The following ZNF385B variants were observed in gnomAD, a reference collection of about 807,000 sequenced individuals.
The protein encoded by ZNF385B is zinc finger protein 533.
A neutral mutation model predicts 39.2 loss-of-function variants in ZNF385B; 23 were observed. That is an observed-to-expected ratio of 0.59 (90% CI 0.42 to 0.83). The LOEUF is 0.83. ZNF385B is among the 40% of genes least tolerant of loss of function. The pLI is 0.00. For synonymous variants in ZNF385B, 205 were observed against 222.6 expected, an observed-to-expected ratio of 0.92 and a Z score of 0.70; for missense variants, 552 against 598.9, an observed-to-expected ratio of 0.92 and a Z score of 0.82.
At chr2:179,719,195 GACATCCAGGGTAA>G (rs1468944984) in intron 3 of ZNF385B, among the ~76,000 whole-genome samples, 1 of 152,054 alleles carries the variant, frequency 6.6e-6, no homozygotes, top group East Asian at 1.9e-4. Flanking sequence ...GGTTTCAAAG[GACATCCAGGGTAA>G]ACATCCATTG....
intron 3 of ZNF385B, among the ~76,000 whole-genome samples, chr2:179,650,643 G>A (rs549803673): frequency 6.6e-6 from 1 of 152,332 alleles, no homozygotes; most frequent in East Asian, 1.9e-4. Context: ...GCCTTTGGCA[G>A]TCATTTGGTT....
At chr2:179,714,804 A>T (rs1038304494) in intron 3 of ZNF385B, among the ~76,000 whole-genome samples, 3 of 151,818 alleles carry the variant, frequency 2.0e-5, no homozygotes, top group African/African-American at 7.3e-5. Context: ...AAAAAAAATT[A>T]GCCAGATGTG....
At chr2:179,757,705 C>G (rs1703129566) in intron 3 of ZNF385B, among the ~76,000 whole-genome samples, 2 of 152,204 alleles carry the variant, frequency 1.3e-5, no homozygotes, top group Admixed American at 6.5e-5. Context: ...GCAGTTTGAT[C>G]TCAGACTGCT....
intron 5 of ZNF385B, among the ~76,000 whole-genome samples, chr2:179,517,086 G>C (rs897103156): frequency 4.0e-5 from 6 of 151,786 alleles, no homozygotes. Flanking sequence ...ACTCTGTTCT[G>C]TTCCATTGAT....
chr2:179,797,422 A>G (rs1265053684), intron 1 of ZNF385B, among the ~76,000 whole-genome samples: 1 of 152,216 alleles, frequency 6.6e-6, no homozygotes, highest in Non-Finnish European at 1.5e-5. Flanking sequence ...AAAATTAATA[A>G]CAATTCCTTC....
At chr2:179,473,942 C>T (rs911075076) in intron 6 of ZNF385B, among the ~76,000 whole-genome samples, 3 of 152,112 alleles carry the variant, frequency 2.0e-5, no homozygotes, top group East Asian at 3.9e-4. Flanking sequence ...GCTCCATGAG[C>T]ATGACTTAGT....
chr2:179,720,925 G>GTTTTT (rs56131510), intron 3 of ZNF385B, among the ~76,000 whole-genome samples: 12 of 70,134 alleles, frequency 1.7e-4, no homozygotes, highest in East Asian at 5.1e-4. Context: ...ATGCCTGGCT[G>GTTTTT]TTTTTTTTTT....
intron 1 of ZNF385B, among the ~76,000 whole-genome samples, chr2:179,834,922 G>A (rs1178308955): frequency 2.0e-5 from 3 of 152,144 alleles, no homozygotes; most frequent in Admixed American, 6.5e-5. Context: ...CTTCAGACAC[G>A]TCAAAATTGA....
intron 6 of ZNF385B, among the ~76,000 whole-genome samples, chr2:179,469,226 C>T (rs1258742467): frequency 2.6e-5 from 4 of 152,280 alleles, no homozygotes; most frequent in African/African-American, 9.6e-5. Flanking sequence ...CTGGGCCACA[C>T]TGGAAGAAGA....
intron 1 of ZNF385B, among the ~76,000 whole-genome samples, chr2:179,781,021 T>C (rs867994397): frequency 2.6e-5 from 4 of 152,210 alleles, no homozygotes; most frequent in Non-Finnish European, 5.9e-5. Context: ...CACCCTATGC[T>C]CAAAATTACT....
chr2:179,835,170 A>C (rs2106604828), intron 1 of ZNF385B, among the ~76,000 whole-genome samples: 1 of 152,340 alleles, frequency 6.6e-6, no homozygotes, highest in South Asian at 2.1e-4. Flanking sequence ...TGAAGTATTT[A>C]AGGGTGAAAT....
At chr2:179,643,967 G>T (rs113030037) in intron 3 of ZNF385B, among the ~76,000 whole-genome samples, 2 of 151,798 alleles carry the variant, frequency 1.3e-5, no homozygotes, top group Non-Finnish European at 2.9e-5. Flanking sequence ...AAAATCCTGC[G>T]CACCACTCTA....
chr2:179,668,181 A>G (rs1402106038), intron 3 of ZNF385B, among the ~76,000 whole-genome samples: 1 of 152,166 alleles, frequency 6.6e-6, no homozygotes, highest in Non-Finnish European at 1.5e-5. Flanking sequence ...AATTTCTACA[A>G]CCTTCTATAT....
intron 4 of ZNF385B, among the ~76,000 whole-genome samples, chr2:179,540,496 C>CA (rs35763263): frequency 0.012 from 1,790 of 151,388 alleles, 18 homozygotes; most frequent in African/African-American, 0.02. Flanking sequence ...ACAACAACAA[C>CA]AAAAAAAACC....
chr2:179,452,615 T>G (rs1185305301), intron 6 of ZNF385B, among the ~76,000 whole-genome samples: 1 of 152,152 alleles, frequency 6.6e-6, no homozygotes, highest in Non-Finnish European at 1.5e-5. Flanking sequence ...TAAGATTTGC[T>G]TTTGAGTTTA....
chr2:179,739,275 T>C (rs1386280260), intron 3 of ZNF385B, among the ~76,000 whole-genome samples: 30 of 152,228 alleles, frequency 2.0e-4, no homozygotes, highest in Non-Finnish European at 1.3e-4. Context: ...AAAAGGACAA[T>C]GATAATATTT....
chr2:179,626,809 A>G (rs891873817), intron 3 of ZNF385B, among the ~76,000 whole-genome samples: 1 of 152,144 alleles, frequency 6.6e-6, no homozygotes, highest in Non-Finnish European at 1.5e-5. Flanking sequence ...TAATCACCCA[A>G]CTTAAAGAAT....
intron 1 of ZNF385B, chr2:179,796,143 G>A (rs1173477678): frequency 6.6e-6 from 1 of 152,152 alleles, no homozygotes; most frequent in African/African-American, 2.4e-5. Flanking sequence ...GCAAGCAGCA[G>A]CAACTTTACA....
chr2:179,473,021 G>A (rs1204539087), intron 6 of ZNF385B, among the ~76,000 whole-genome samples: 1 of 152,132 alleles, frequency 6.6e-6, no homozygotes, highest in Non-Finnish European at 1.5e-5. Context: ...CCTCTTGCAT[G>A]CCACTTAATG....
Sources: gnomAD v4.1 joint callset for allele counts (sites outside exome capture counted in the v4.1 genomes callset) on GRCh38, gnomAD v4.1.1 for gene constraint, MANE v1.5 for transcripts, NCBI Gene and HGNC (gene_info 2026-07-23, HGNC 2026-07-21) for gene names.